The following GTF3A variants were observed in gnomAD, a reference collection of about 807,000 sequenced individuals.
The protein encoded by GTF3A is general transcription factor IIIA, also known as transcription factor IIIA.
GTF3A carries 40 observed loss-of-function variants against 37.6 expected under a neutral mutation model. That is an observed-to-expected ratio of 1.06 (90% CI 0.83 to 1.38). The LOEUF (loss-of-function observed/expected upper bound fraction) is 1.38, where lower values mean the gene tolerates loss of function less well. Among genes scored for constraint, GTF3A ranks in the 40% most tolerant of loss-of-function variants. The pLI is 0.00. For missense variants in GTF3A, 500 were observed against 462.6 expected (o/e 1.08, Z -0.74); for synonymous variants, 191 against 166.7 (o/e 1.15, Z -1.12).
intron 1 of GTF3A, 88 bp from the exon 2 acceptor site, chr13:27,427,004 C>T: frequency 1.4e-6 from 1 of 718,386 alleles, no homozygotes; most frequent in Non-Finnish European, 2.5e-6. Context: ...AAGCCTGTGG[C>T]CTTAACACTA....
intron 5 of GTF3A, among the ~76,000 whole-genome samples, 177 bp downstream of exon 5, chr13:27,432,981 A>G (rs918616618): frequency 1.3e-5 from 2 of 152,162 alleles, no homozygotes; most frequent in African/African-American, 4.8e-5. Flanking sequence ...TTTTTCCACT[A>G]CCGTATCATT....
chr13:27,434,284 T>C, intron 6 of GTF3A, 65 bp downstream of exon 6: 3 of 781,888 alleles, frequency 3.8e-6, no homozygotes, highest in Non-Finnish European at 4.7e-6. Context: ...ATTTAGTGCT[T>C]TTCAAGAGTG....
chr13:27,426,955 T>C (rs2138021445), intron 1 of GTF3A, 137 bp from the exon 2 acceptor site: 1 of 585,694 alleles, frequency 1.7e-6, no homozygotes, highest in South Asian at 2.2e-5. Context: ...CGTCTTGCAG[T>C]GGGTGCACAG....
Position 27,435,202 on chromosome 13 carries a change from A to G in GTF3A, c.933+10A>G. 1 of 1,591,958 alleles carries G rather than the reference A, an allele frequency of 6.3e-7. No individual in the cohort carries two copies. The highest frequency in any genetic ancestry group is 8.5e-7 in the Non-Finnish European group (1 of 1,171,480). The stretch of plus-strand genomic sequence containing the variant: ...GAAAATGAAGCTCAAAGTAAGTTGA[A>G]ACTACTTAGGCAAGCTTAGTTTTCA... On this transcript the variant is annotated intron_variant, in intron 8 of 8. Transcript: ENST00000381140.
At chr13:27,434,290 G>C (rs571228723) in intron 6 of GTF3A, 71 bp downstream of exon 6, 1 of 777,240 alleles carries the variant, frequency 1.3e-6, no homozygotes, top group Non-Finnish European at 2.4e-6. Context: ...TGCTTTTCAA[G>C]AGTGAAATGC....
intron 2 of GTF3A, among the ~76,000 whole-genome samples, chr13:27,428,544 C>A (rs1018273816): frequency 2.0e-5 from 3 of 152,182 alleles, no homozygotes; most frequent in African/African-American, 7.2e-5. Context: ...GCTTGACTTG[C>A]AGGCATGAAG....
rs1292542046 is a variant in GTF3A at position 27,427,151 on chromosome 13, G to A, written c.261G>A (p.Leu87=). The A allele has an allele frequency of 6.2e-7, 1 of 1,607,106 alleles. No homozygotes were observed. Among genetic ancestry groups the A allele is most frequent in the East Asian group, 2.2e-5 (1 of 44,830 alleles). ...AGGCCTTCATCAGGGACTACCATCT[G>A]AGCCGCCACATTCTGACTCACACAG... Residue 87 remains leucine, a synonymous_variant, in exon 2 of 9, where the codon CTG becomes CTA. Transcript: ENST00000381140.
At position 27,434,121 on chromosome 13, in the gene GTF3A, C is replaced by G. The variant is rs369715687; in HGVS notation, c.563-18C>G. On this transcript the variant is annotated intron_variant, in intron 5 of 8. Transcript: ENST00000381140. ...CACTGAGTATTCATGACAGACAATG[C>G]ACCAATTTTTTTAATAGGCTATGTA... 61 of 963,548 alleles carry G rather than the reference C, an allele frequency of 6.3e-5. No homozygotes were observed. Among genetic ancestry groups the G allele is most frequent in the Non-Finnish European group, 9.4e-5 (55 of 585,172 alleles). 59.7% of individuals were successfully genotyped at this position (963,548 alleles called of 1,614,324 possible). A position where few individuals can be genotyped will look rare whatever the true frequency, so the allele number is the denominator to read the frequency against.
At chr13:27,428,314 A>G (rs1315171096) in intron 2 of GTF3A, among the ~76,000 whole-genome samples, 2 of 151,930 alleles carry the variant, frequency 1.3e-5, no homozygotes, top group African/African-American at 2.4e-5. Context: ...AGATCCTGTA[A>G]CTGACCCATC....
chr13:27,427,407 G>A (rs959575717), intron 2 of GTF3A, among the ~76,000 whole-genome samples: 5 of 152,098 alleles, frequency 3.3e-5, no homozygotes, highest in African/African-American at 7.2e-5. Flanking sequence ...GTGAAACCCC[G>A]TATGTACAAA....
intron 2 of GTF3A, among the ~76,000 whole-genome samples, chr13:27,428,496 G>A (rs950625485): frequency 6.6e-6 from 1 of 152,202 alleles, no homozygotes; most frequent in Non-Finnish European, 1.5e-5. Context: ...ACAATGACCT[G>A]CGTGATTTAG....
At chr13:27,431,920 A>G (rs1049272367) in intron 4 of GTF3A, among the ~76,000 whole-genome samples, 1 of 142,870 alleles carries the variant, frequency 7.0e-6, no homozygotes, top group Non-Finnish European at 1.6e-5. Context: ...ATGTGTTTCA[A>G]AATAATTTTT....
chr13:27,432,713 CAT>C lies in GTF3A; in HGVS notation c.489-17_489-16del, dbSNP rs146934940. 7.5e-4 allele frequency: 1,198 copies of C among 1,589,202 alleles called. 5 individuals carry two copies. The African/African-American group carries it at 0.014, about 18-fold the overall frequency. The stretch of plus-strand genomic sequence containing the variant: ...TGTGAAAATGGATTGGCTAATACCT[CAT>C]GTGTTGCCAATGCAGGTGTACCCAG... On this transcript the variant is annotated splice_polypyrimidine_tract_variant and intron_variant, in intron 4 of 8. Coordinates refer to ENST00000381140, the MANE Select transcript of GTF3A (RefSeq NM_002097.3).
intron 6 of GTF3A, 43 bp from the exon 7 acceptor site, chr13:27,434,762 A>G (rs376579039): frequency 1.7e-5 from 19 of 1,141,898 alleles, no homozygotes; most frequent in African/African-American, 1.1e-4. Context: ...CTAAATGGTA[A>G]TATCTGGGGA....
Position 27,434,119 on chromosome 13 carries a change from T to C in GTF3A, c.563-20T>C, listed in dbSNP as rs1376989979. 3 of 937,944 alleles carry C rather than the reference T, an allele frequency of 3.2e-6. No homozygotes were observed. The highest frequency in any genetic ancestry group is 3.2e-5 in the African/African-American group (2 of 62,374). The allele number at this position is 937,944 out of a possible 1,614,324, so 58.1% of individuals were successfully genotyped here. A position where few individuals can be genotyped will look rare whatever the true frequency, so the allele number is the denominator to read the frequency against. ...TACACTGAGTATTCATGACAGACAA[T>C]GCACCAATTTTTTTAATAGGCTATG... is the stretch of plus-strand genomic sequence containing the variant. On this transcript the variant is annotated intron_variant, in intron 5 of 8. Coordinates refer to ENST00000381140, the MANE Select transcript of GTF3A (RefSeq NM_002097.3).
At chr13:27,431,480 T>C (rs1165111476) in intron 4 of GTF3A, among the ~76,000 whole-genome samples, 3 of 152,136 alleles carry the variant, frequency 2.0e-5, no homozygotes, top group Non-Finnish European at 4.4e-5. Flanking sequence ...AATGATGTCT[T>C]TTGCAGCAGC....
In GTF3A at chr13:27,424,663, C is replaced by G; in HGVS notation, c.-75C>G. ...GAAGGTTCAGCAGGGAGCCGTGGGC[C>G]GGGCGCGCCGGTTCCCGGCACGTGT... On this transcript the variant is annotated 5_prime_UTR_variant, in exon 1 of 9. Coordinates refer to ENST00000381140, the MANE Select transcript of GTF3A (RefSeq NM_002097.3). The G allele has an allele frequency of 8.9e-7, 1 of 1,127,090 alleles. No homozygotes were observed. The highest frequency in any genetic ancestry group is 1.2e-6 in the Non-Finnish European group (1 of 857,136). The allele number at this position is 1,127,090 out of a possible 1,614,324, so 69.8% of individuals were successfully genotyped here.
At position 27,434,155 on chromosome 13, in the gene GTF3A, AG is replaced by A. The variant is rs769633913; in HGVS notation, c.581del (p.Gly194AspfsTer13). 1 of 1,329,652 alleles carries A rather than the reference AG, an allele frequency of 7.5e-7. No individual in the cohort carries two copies. The highest frequency in any genetic ancestry group is 1.7e-5 in the Admixed American group (1 of 59,720). The allele number at this position is 1,329,652 out of a possible 1,614,324, so 82.4% of individuals were successfully genotyped here. On this transcript the variant is annotated frameshift_variant, in exon 6 of 9. Transcript: ENST00000381140. LOFTEE classifies it high-confidence loss of function. ...TTTTAATAGGCTATGTATGTCAAAA[AG>A]GATGTTCCTTTGTGGCAAAAACATG...
At position 27,424,666 on chromosome 13, in the gene GTF3A, G is replaced by C. The variant is rs1019165543; in HGVS notation, c.-72G>C. ...GGTTCAGCAGGGAGCCGTGGGCCGG[G>C]CGCGCCGGTTCCCGGCACGTGTCTC... On this transcript the variant is annotated 5_prime_UTR_variant, in exon 1 of 9. Transcript: ENST00000381140. 3 of 1,150,414 alleles carry C rather than the reference G, an allele frequency of 2.6e-6. No individual in the cohort carries two copies. Among genetic ancestry groups the C allele is most frequent in the Admixed American group, 4.2e-5 (1 of 23,870 alleles). The allele number at this position is 1,150,414 out of a possible 1,614,324, so 71.3% of individuals were successfully genotyped here.
Sources: allele counts gnomAD v4.1 joint callset (sites outside exome capture counted in the v4.1 genomes callset), GRCh38; gene constraint gnomAD v4.1.1; transcripts MANE v1.5; gene names NCBI Gene and HGNC (gene_info 2026-07-23, HGNC 2026-07-21).